The following METTL9 variants were observed in gnomAD, a reference collection of about 807,000 sequenced individuals.
METTL9 encodes protein-L-histidine N-pros-methyltransferase.
METTL9 carries 10 observed loss-of-function variants against 36.0 expected under a neutral mutation model. That is an observed-to-expected ratio of 0.28 (90% CI 0.17 to 0.47). METTL9 has a LOEUF of 0.47. Among genes scored for constraint, METTL9 ranks in the 20% least tolerant of loss-of-function variants. The probability of loss-of-function intolerance (pLI) is 0.99; values close to 1 mark genes in which losing one functional copy is unlikely to be tolerated. For missense variants in METTL9, 246 were observed against 383.5 expected (o/e 0.64, Z 3.00); for synonymous variants, 175 against 149.7 (o/e 1.17, Z -1.23).
intron 4 of METTL9, among the ~76,000 whole-genome samples, chr16:21,643,779 C>A (rs1200069855): frequency 6.6e-6 from 1 of 152,124 alleles, no homozygotes; most frequent in Non-Finnish European, 1.5e-5. Flanking sequence ...AACAAACTGA[C>A]GTTGATTGTA....
rs767963050 is a variant in METTL9, at chr16:21,647,393, G to A, written c.752-7834G>A. On this transcript the variant is annotated intron_variant, in intron 4 of 4. Transcript: ENST00000358154. ...TGTTGGTTGCTCAGAAGGGCATCCGGTTGCGGAGAAGGTACACTTTATGGT... is the reference window on the plus strand; with the variant it reads ...TGTTGGTTGCTCAGAAGGGCATCCGATTGCGGAGAAGGTACACTTTATGGT... 21 of 1,614,000 alleles carry A rather than the reference G, an allele frequency of 1.3e-5. No homozygotes were observed. The highest frequency in any genetic ancestry group is 1.7e-5 in the Non-Finnish European group (20 of 1,180,028).
At chr16:21,624,903 T>C (rs747671271) in intron 3 of METTL9, 28 bp from the exon 4 acceptor site, 1 of 1,601,922 alleles carries the variant, frequency 6.2e-7, no homozygotes, top group South Asian at 1.1e-5. Flanking sequence ...GGACTTTATG[T>C]TAATACAGTT....
intron 3 of METTL9, among the ~76,000 whole-genome samples, chr16:21,624,494 A>C (rs1397798281): frequency 6.6e-6 from 1 of 152,140 alleles, no homozygotes; most frequent in East Asian, 1.9e-4. Context: ...TGGGAGGCCG[A>C]GGCAGTCGGA....
At chr16:21,626,169 G>C (rs995973069) in intron 4 of METTL9, among the ~76,000 whole-genome samples, 4 of 152,116 alleles carry the variant, frequency 2.6e-5, no homozygotes, top group Non-Finnish European at 5.9e-5. Context: ...CTCCCAAAAT[G>C]CTGAGATTAC....
chr16:21,646,297 A>C (rs1478479282), intron 4 of METTL9: 1 of 152,154 alleles, frequency 6.6e-6, no homozygotes, highest in Non-Finnish European at 1.5e-5. Flanking sequence ...TCAGGAAGTG[A>C]GAGTCATCAC....
At chr16:21,614,786 G>A (rs1168474258) in intron 2 of METTL9, among the ~76,000 whole-genome samples, 1 of 152,108 alleles carries the variant, frequency 6.6e-6, no homozygotes, top group Non-Finnish European at 1.5e-5. Flanking sequence ...TAAGGAAGAG[G>A]TGCATCTCTC....
chr16:21,604,927 TCTC>T (rs947486869), intron 1 of METTL9, among the ~76,000 whole-genome samples: 3 of 152,082 alleles, frequency 2.0e-5, no homozygotes, highest in Non-Finnish European at 2.9e-5. Context: ...GAACTGTACT[TCTC>T]CTCTGACCAG....
chr16:21,649,878 T>G (rs1966523199), intron 4 of METTL9, among the ~76,000 whole-genome samples: 1 of 152,010 alleles, frequency 6.6e-6, no homozygotes, highest in African/African-American at 2.4e-5. Context: ...CTGGCTAATT[T>G]TTTTATTTTT....
chr16:21,649,472 T>C (rs1966513386), intron 4 of METTL9, among the ~76,000 whole-genome samples: 1 of 152,090 alleles, frequency 6.6e-6, no homozygotes, highest in South Asian at 2.1e-4. Context: ...GCCAAGGGGA[T>C]TGGATTCCCT....
At chr16:21,602,148 G>A (rs892197916) in intron 1 of METTL9, among the ~76,000 whole-genome samples, 2 of 152,132 alleles carry the variant, frequency 1.3e-5, no homozygotes, top group African/African-American at 2.4e-5. Flanking sequence ...GTTCAGTTGG[G>A]TGTGTGAGTT....
chr16:21,599,653 C>A lies in METTL9; in HGVS notation c.-81C>A. The stretch of plus-strand genomic sequence containing the variant: ...GCGATGGCTCGAGCTCGGGCGGTGG[C>A]GGCGGTGGCCGGAGGCGGCGGTGCC... On this transcript the variant is annotated 5_prime_UTR_variant, in exon 1 of 5. Coordinates refer to ENST00000358154, the MANE Select transcript of METTL9 (RefSeq NM_016025.5). The surrounding 1 kb of genome is among the most constrained non-coding windows in gnomAD (Gnocchi z 4.4). 7.4e-7 allele frequency: 1 copy of A among 1,347,400 alleles called. No homozygotes were observed. Among genetic ancestry groups the A allele is most frequent in the Non-Finnish European group, 9.4e-7 (1 of 1,058,854 alleles). The allele number at this position is 1,347,400 out of a possible 1,614,324, so 83.5% of individuals were successfully genotyped here. A position where few individuals can be genotyped will look rare whatever the true frequency, so the allele number is the denominator to read the frequency against.
intron 4 of METTL9, among the ~76,000 whole-genome samples, chr16:21,646,201 G>T (rs1046914615): frequency 1.3e-5 from 2 of 151,822 alleles, no homozygotes; most frequent in African/African-American, 2.4e-5. Context: ...TTACTCAAGG[G>T]AATGACTTGG....
chr16:21,647,264 TTTTC>T (rs1241366048), intron 4 of METTL9: 1 of 1,614,152 alleles, frequency 6.2e-7, no homozygotes, highest in South Asian at 1.1e-5. Context: ...GGAAACTTGG[TTTTC>T]TTTGAGGGCC....
intron 1 of METTL9, among the ~76,000 whole-genome samples, chr16:21,600,257 G>C (rs1402561267): frequency 6.6e-6 from 1 of 152,192 alleles, no homozygotes; most frequent in Non-Finnish European, 1.5e-5. Context: ...GGGGGCGCCC[G>C]CCTGGCACCG....
intron 4 of METTL9, chr16:21,640,908 G>A (rs1226937189): frequency 6.6e-6 from 1 of 152,088 alleles, no homozygotes; most frequent in Non-Finnish European, 1.5e-5. Context: ...TTGTTCTGAA[G>A]TTACCTCTGT....
intron 4 of METTL9, among the ~76,000 whole-genome samples, chr16:21,650,755 T>A (rs1384095993): frequency 3.9e-5 from 6 of 152,108 alleles, no homozygotes; most frequent in Non-Finnish European, 7.4e-5. Context: ...TTAGGCAACC[T>A]ATTAACAAAA....
intron 2 of METTL9, among the ~76,000 whole-genome samples, chr16:21,616,519 G>C (rs1965557975): frequency 6.6e-6 from 1 of 152,158 alleles, no homozygotes; most frequent in Non-Finnish European, 1.5e-5. Context: ...GCTTCCATGA[G>C]ACTTGGCTGG....
chr16:21,652,382 A>AG (rs1966599672), intron 4 of METTL9: 5 of 524,510 alleles, frequency 9.5e-6, no homozygotes, highest in Non-Finnish European at 1.6e-5. Flanking sequence ...TCTATTTCTC[A>AG]GGGGAAAAAG....
At chr16:21,637,172 G>GC (rs1966120677) in intron 4 of METTL9, among the ~76,000 whole-genome samples, 1 of 152,128 alleles carries the variant, frequency 6.6e-6, no homozygotes, top group African/African-American at 2.4e-5. Context: ...CCCTTATCTG[G>GC]CCCCACCAAC....
Sources: allele counts gnomAD v4.1 joint callset (sites outside exome capture counted in the v4.1 genomes callset), GRCh38; gene constraint gnomAD v4.1.1; non-coding constraint Gnocchi (gnomAD v3.1); transcripts MANE v1.5; gene names NCBI Gene and HGNC (gene_info 2026-07-23, HGNC 2026-07-21).